The following RAB7A variants were observed in gnomAD, a reference collection of about 807,000 sequenced individuals.
RAB7A encodes RAB7A, member RAS oncogene family, also known as ras-related protein Rab-7a.
In RAB7A, 2 loss-of-function variants were observed where a neutral mutation model predicts 24.5. The observed-to-expected ratio is 0.08, with a 90% CI of 0.03 to 0.26. RAB7A has a LOEUF of 0.26. RAB7A is among the 10% of genes least tolerant of loss of function. The probability of loss-of-function intolerance (pLI) is 1.00; values close to 1 mark genes in which losing one functional copy is unlikely to be tolerated. For missense variants in RAB7A, 118 were observed against 255.7 expected (o/e 0.46, Z 3.67); for synonymous variants, 100 against 95.9 (o/e 1.04, Z -0.25).
At chr3:128,779,522 A>G (rs1481624713) in intron 1 of RAB7A, among the ~76,000 whole-genome samples, 1 of 141,400 alleles carries the variant, frequency 7.1e-6, no homozygotes, top group Non-Finnish European at 1.5e-5. Context: ...GAGGTCCATT[A>G]CCTGATGCAT....
intron 1 of RAB7A, among the ~76,000 whole-genome samples, chr3:128,775,683 A>G (rs1933071221): frequency 6.6e-6 from 1 of 152,254 alleles, no homozygotes; most frequent in African/African-American, 2.4e-5. Flanking sequence ...GGAAGTGGTC[A>G]TAAGGAAATT....
chr3:128,793,586 C>G (rs1933507392), intron 1 of RAB7A, among the ~76,000 whole-genome samples: 1 of 152,212 alleles, frequency 6.6e-6, no homozygotes, highest in African/African-American at 2.4e-5. Flanking sequence ...ATCATCTGAT[C>G]TCTATCTTGA....
chr3:128,735,304 GC>G (rs2070480347), intron 1 of RAB7A, among the ~76,000 whole-genome samples: 1 of 152,194 alleles, frequency 6.6e-6, no homozygotes, highest in African/African-American at 2.4e-5. Context: ...TGTAGGGATT[GC>G]AGTAGCTCTA....
chr3:128,744,882 T>C (rs1344363987), intron 1 of RAB7A, among the ~76,000 whole-genome samples: 1 of 151,360 alleles, frequency 6.6e-6, no homozygotes, highest in Non-Finnish European at 1.5e-5. Flanking sequence ...TTTTCTTTTT[T>C]TTTTTTTTTG....
intron 3 of RAB7A, among the ~76,000 whole-genome samples, chr3:128,801,229 A>T (rs988368874): frequency 6.6e-6 from 1 of 152,216 alleles, no homozygotes; most frequent in Admixed American, 6.5e-5. Flanking sequence ...TGCATGCTGG[A>T]TGCGGTGGCT....
chr3:128,748,688 C>T (rs2070645661), intron 1 of RAB7A: 2 of 152,300 alleles, frequency 1.3e-5, no homozygotes, highest in Non-Finnish European at 2.9e-5. Context: ...CTGGTGTGGC[C>T]TTAGTATCCC....
intron 1 of RAB7A, among the ~76,000 whole-genome samples, chr3:128,740,156 G>T (rs935356860): frequency 6.6e-6 from 1 of 152,144 alleles, no homozygotes; most frequent in Non-Finnish European, 1.5e-5. Context: ...GAGATGGGTG[G>T]ATCACGAGGT....
intron 1 of RAB7A, among the ~76,000 whole-genome samples, chr3:128,775,685 A>G (rs1445726370): frequency 6.6e-6 from 1 of 152,226 alleles, no homozygotes; most frequent in Admixed American, 6.5e-5. Flanking sequence ...AAGTGGTCAT[A>G]AGGAAATTGT....
intron 1 of RAB7A, among the ~76,000 whole-genome samples, chr3:128,768,471 G>A (rs907634225): frequency 6.6e-6 from 1 of 152,162 alleles, no homozygotes; most frequent in Admixed American, 6.5e-5. Flanking sequence ...TGGGGCATAT[G>A]GTAGGCATAT....
intron 1 of RAB7A, among the ~76,000 whole-genome samples, chr3:128,741,638 C>G (rs781064801): frequency 6.6e-6 from 1 of 152,180 alleles, no homozygotes; most frequent in Non-Finnish European, 1.5e-5. Flanking sequence ...CCCACCTCCA[C>G]TTCCCAAAGT....
intron 1 of RAB7A, among the ~76,000 whole-genome samples, chr3:128,735,260 T>A (rs1484524276): frequency 6.6e-6 from 1 of 152,218 alleles, no homozygotes; most frequent in Non-Finnish European, 1.5e-5. Context: ...GAAACCATTA[T>A]AGTTGGAAAG....
chr3:128,757,043 C>G (rs907761373), intron 1 of RAB7A, among the ~76,000 whole-genome samples: 1 of 151,962 alleles, frequency 6.6e-6, no homozygotes, highest in African/African-American at 2.4e-5. Context: ...CGGGGTTTTG[C>G]CATATTGCCC....
At chr3:128,733,793 T>C (rs189657244) in intron 1 of RAB7A, among the ~76,000 whole-genome samples, 257 of 152,348 alleles carry the variant, frequency 1.7e-3, no homozygotes, top group South Asian at 7.9e-3. Context: ...TATTGGGGAT[T>C]AGAATTTCAA....
At chr3:128,785,746 CAAAA>C (rs35368201) in intron 1 of RAB7A, among the ~76,000 whole-genome samples, 6 of 86,710 alleles carry the variant, frequency 6.9e-5, no homozygotes, top group Admixed American at 3.6e-4. Flanking sequence ...AAGACTGTCT[CAAAA>C]AAAAAAAAAA....
At chr3:128,764,455 T>A (rs779725083) in intron 1 of RAB7A, 7 of 761,624 alleles carry the variant, frequency 9.2e-6, no homozygotes, top group Non-Finnish European at 1.4e-5. Flanking sequence ...ATGGGGAAAT[T>A]AGCCTGAGGC....
At chr3:128,732,628 A>G (rs2070450019) in intron 1 of RAB7A, among the ~76,000 whole-genome samples, 1 of 152,130 alleles carries the variant, frequency 6.6e-6, no homozygotes, top group Admixed American at 6.6e-5. Context: ...CAGGAGTTCA[A>G]GACCACCTTC....
chr3:128,805,178 C>T (rs1431132305), intron 3 of RAB7A, among the ~76,000 whole-genome samples: 2 of 152,196 alleles, frequency 1.3e-5, no homozygotes, highest in Admixed American at 1.3e-4. Context: ...GACAGAGATG[C>T]ATACATATTC....
intron 1 of RAB7A, among the ~76,000 whole-genome samples, chr3:128,752,800 T>G (rs2070698836): frequency 6.6e-6 from 1 of 152,216 alleles, no homozygotes; most frequent in East Asian, 1.9e-4. Flanking sequence ...GATATTTATT[T>G]TTTTTGAAAC....
intron 1 of RAB7A, among the ~76,000 whole-genome samples, chr3:128,749,903 C>G (rs1240692195): frequency 6.6e-6 from 1 of 152,100 alleles, no homozygotes. Flanking sequence ...TAAATGGGTA[C>G]CAGTAGAGTG....
Sources: gnomAD v4.1 joint callset for allele counts (sites outside exome capture counted in the v4.1 genomes callset) on GRCh38, gnomAD v4.1.1 for gene constraint, MANE v1.5 for transcripts, NCBI Gene and HGNC (gene_info 2026-07-23, HGNC 2026-07-21) for gene names.